ARHGEF4: variants seen among roughly 807,000 people sequenced by gnomAD.
ARHGEF4 encodes Rho guanine nucleotide exchange factor 4, also known as APC-stimulated guanine nucleotide exchange factor 1.
ARHGEF4 carries 119 observed loss-of-function variants against 162.0 expected under a neutral mutation model. The ratio of observed to expected loss-of-function variants is 0.73; its 90% CI spans 0.63 to 0.86. The LOEUF is 0.86. ARHGEF4 is among the 40% of genes least tolerant of loss of function. The pLI is 0.00. For synonymous variants in ARHGEF4, 1,014 were observed against 979.9 expected (o/e 1.03, Z -0.65); for missense variants, 2,488 against 2,456.0 (o/e 1.01, Z -0.28).
At chr2:130,939,734 T>C (rs1178351780) in intron 3 of ARHGEF4, among the ~76,000 whole-genome samples, 10 of 152,232 alleles carry the variant, frequency 6.6e-5, no homozygotes. Context: ...GGTATATCTT[T>C]TCATTTATTT....
At chr2:130,879,510 A>G (rs1245342870) in intron 1 of ARHGEF4, among the ~76,000 whole-genome samples, 1 of 152,140 alleles carries the variant, frequency 6.6e-6, no homozygotes, top group Non-Finnish European at 1.5e-5. Flanking sequence ...AACTATAGTC[A>G]CCATGGTATA....
intron 4 of ARHGEF4, among the ~76,000 whole-genome samples, chr2:131,016,095 C>A (rs1167668214): frequency 1.3e-5 from 2 of 152,144 alleles, no homozygotes; most frequent in African/African-American, 4.8e-5. Context: ...CCAGCAGCAA[C>A]CCCACCCTCT....
intron 1 of ARHGEF4, among the ~76,000 whole-genome samples, chr2:130,846,254 G>C (rs1680956981): frequency 1.3e-5 from 2 of 152,196 alleles, no homozygotes; most frequent in African/African-American, 4.8e-5. Context: ...GTCCTTGCTG[G>C]CTGGTGCCGC....
At chr2:130,871,167 A>G (rs1678454211) in intron 1 of ARHGEF4, among the ~76,000 whole-genome samples, 1 of 152,196 alleles carries the variant, frequency 6.6e-6, no homozygotes, top group Non-Finnish European at 1.5e-5. Flanking sequence ...CAACCCCACA[A>G]TGGCCTGGAT....
chr2:130,948,964 CTT>C (rs35656074), intron 4 of ARHGEF4, among the ~76,000 whole-genome samples: 57,271 of 151,966 alleles, frequency 0.38, 12,994 homozygotes, highest in African/African-American at 0.64. Flanking sequence ...CTGTTCCTGA[CTT>C]TGTAGAATTT....
At chr2:130,889,841 T>C (rs2104985146) in intron 1 of ARHGEF4, among the ~76,000 whole-genome samples, 1 of 151,354 alleles carries the variant, frequency 6.6e-6, no homozygotes, top group South Asian at 2.1e-4. Context: ...AAGTACTTGC[T>C]ATTGAACGGT....
rs1681581482 is a variant in ARHGEF4 at position 130,917,573 on chromosome 2, C to T, written c.3552+75C>T. The T allele has an allele frequency of 2.1e-6, 3 of 1,462,174 alleles. No homozygotes were observed. In the East Asian group the frequency reaches 7.5e-5, roughly 36 times the overall value. 90.6% of individuals were successfully genotyped at this position (1,462,174 alleles called of 1,614,324 possible). On this transcript the variant is annotated intron_variant, in intron 2 of 13. Transcript: ENST00000409359. ...AAGGAGGGGAGCAGGCGGGAATCTT[C>T]CTGAGGGGAGAGGTAAAATAGGAAG...
At chr2:130,939,996 G>A (rs1057389344) in intron 3 of ARHGEF4, among the ~76,000 whole-genome samples, 3 of 152,082 alleles carry the variant, frequency 2.0e-5, no homozygotes, top group Non-Finnish European at 4.4e-5. Context: ...ATAGATTACT[G>A]GAAACTATCT....
At chr2:131,045,890 C>G in intron 13 of ARHGEF4, 148 bp from the exon 14 acceptor site, 2 of 1,489,910 alleles carry the variant, frequency 1.3e-6, no homozygotes, top group Admixed American at 4.6e-5. Context: ...ATGTGGTCAG[C>G]TCTCCAGGAG....
In ARHGEF4 at chr2:130,978,216, T is replaced by C. The variant is rs1438461000; in HGVS notation, c.3985+31581T>C. Among the ~76,000 whole-genome samples the C allele has an allele frequency of 1.3e-5, 2 of 152,218 alleles. 1 individual carries two copies. Among genetic ancestry groups the C allele is most frequent in the Middle Eastern group, 6.3e-3 (2 of 316 alleles). On this transcript the variant is annotated intron_variant, in intron 4 of 13. Coordinates refer to ENST00000409359, the MANE Select transcript of ARHGEF4 (RefSeq NM_001367493.1). ...CCCTTTCTATTTATCAGTTCCACAA[T>C]CATGAGGAATCTCGTCATTGATCTT...
chr2:130,853,753 T>G (rs977827578), intron 1 of ARHGEF4, among the ~76,000 whole-genome samples: 4 of 152,178 alleles, frequency 2.6e-5, no homozygotes, highest in African/African-American at 7.2e-5. Flanking sequence ...GCAGCAGCCT[T>G]GCTTGTGTCC....
chr2:130,941,180 AC>A (rs1475154336), intron 3 of ARHGEF4, among the ~76,000 whole-genome samples: 1 of 149,936 alleles, frequency 6.7e-6, no homozygotes, highest in Non-Finnish European at 1.5e-5. Context: ...AGGGGTACCA[AC>A]CACCCACACA....
chr2:130,927,444 A>T (rs1360113749), intron 2 of ARHGEF4, among the ~76,000 whole-genome samples: 1 of 152,190 alleles, frequency 6.6e-6, no homozygotes, highest in Non-Finnish European at 1.5e-5. Context: ...TCGGGGACAT[A>T]TGTGACCCAT....
rs758503588 is a variant in ARHGEF4 at position 131,046,085 on chromosome 2, C to T, written c.5527C>T (p.Pro1843Ser). Residue 1843 changes from proline to serine, a missense_variant, in exon 14 of 14, where the codon CCC becomes TCC. Coordinates refer to ENST00000409359, the MANE Select transcript of ARHGEF4 (RefSeq NM_001367493.1). ...YLTRQKHPAL[P>S]SNRPQQQVLV... ...GACGCGCCAGAAGCACCCAGCCCTG[C>T]CCAGCAACCGGCCCCAGCAGCAGGT... 1.2e-6 allele frequency: 2 copies of T among 1,612,892 alleles called. No individual in the cohort carries two copies. The highest frequency in any genetic ancestry group is 2.7e-5 in the African/African-American group (2 of 75,064).
chr2:131,015,908 G>T (rs888746393), intron 4 of ARHGEF4, among the ~76,000 whole-genome samples: 1 of 152,344 alleles, frequency 6.6e-6, no homozygotes, highest in Admixed American at 6.5e-5. Flanking sequence ...AGAGGCCCCT[G>T]TAGGGCCACA....
At chr2:130,964,661 A>C (rs1306660541) in intron 4 of ARHGEF4, among the ~76,000 whole-genome samples, 1 of 152,182 alleles carries the variant, frequency 6.6e-6, no homozygotes, top group Non-Finnish European at 1.5e-5. Flanking sequence ...TAAAGCCAGG[A>C]GGATGGAAGG....
At chr2:130,888,454 G>A (rs1372655311) in intron 1 of ARHGEF4, among the ~76,000 whole-genome samples, 1 of 151,752 alleles carries the variant, frequency 6.6e-6, no homozygotes, top group Non-Finnish European at 1.5e-5. Flanking sequence ...CTGGCTGAGC[G>A]AGACTCTGTC....
chr2:130,837,513 CG>C (rs1301789446), intron 1 of ARHGEF4: 4 of 397,164 alleles, frequency 1.0e-5, no homozygotes, highest in African/African-American at 2.1e-5. Context: ...GAACTGGGGT[CG>C]GGGCTGTTGG....
chr2:130,995,660 A>G (rs1321078981), intron 4 of ARHGEF4, among the ~76,000 whole-genome samples: 1 of 152,208 alleles, frequency 6.6e-6, no homozygotes, highest in Non-Finnish European at 1.5e-5. Flanking sequence ...GCTTCTGCCA[A>G]GGAACTCTGA....
Sources: allele counts gnomAD v4.1 joint callset (sites outside exome capture counted in the v4.1 genomes callset), GRCh38; gene constraint gnomAD v4.1.1; transcripts MANE v1.5; gene names NCBI Gene and HGNC (gene_info 2026-07-23, HGNC 2026-07-21).